The following LRRC4C variants were observed in gnomAD, a reference collection of about 807,000 sequenced individuals.
The protein encoded by LRRC4C is leucine-rich repeat-containing protein 4C.
Under a neutral mutation model 33.6 loss-of-function variants are expected in LRRC4C, and 5 were observed. The observed-to-expected ratio is 0.15, with a 90% CI of 0.08 to 0.31. The LOEUF (loss-of-function observed/expected upper bound fraction) is 0.31, where lower values mean the gene tolerates loss of function less well. Among genes scored for constraint, LRRC4C ranks in the 10% least tolerant of loss-of-function variants. The pLI is 1.00. For missense variants in LRRC4C, 560 were observed against 796.7 expected (o/e 0.70, Z 3.58); for synonymous variants, 329 against 302.0 (o/e 1.09, Z -0.93).
rs5024889 is a variant in LRRC4C at position 41,279,426 on chromosome 11, A to C, written c.-496+180005T>G. ...CACACACACACACACACACACACAC[A>C]CACCGTGGCAATCACTGCCTGCAAT... is the stretch of plus-strand genomic sequence containing the variant. On this transcript the variant is annotated intron_variant, in intron 1 of 6. Coordinates refer to ENST00000528697, the MANE Select transcript of LRRC4C (RefSeq NM_001258419.2). Among the ~76,000 whole-genome samples the C allele has an allele frequency of 0.012, 1,392 of 113,244 alleles. 67 individuals are homozygous for C. The East Asian group carries it at 0.17, about 14-fold the overall frequency. 74.3% of individuals were successfully genotyped at this position (113,244 alleles called of 152,430 possible).
At chr11:41,169,998 T>G (rs532658394) in intron 1 of LRRC4C, among the ~76,000 whole-genome samples, 1 of 152,238 alleles carries the variant, frequency 6.6e-6, no homozygotes, top group South Asian at 2.1e-4. Context: ...CCCATTTACC[T>G]TAAAGGGGTA....
intron 3 of LRRC4C, among the ~76,000 whole-genome samples, chr11:40,474,462 C>A (rs1484899328): frequency 6.6e-6 from 1 of 152,078 alleles, no homozygotes; most frequent in African/African-American, 2.4e-5. Flanking sequence ...AAACGTAAGA[C>A]CTAAAACCAT....
intron 2 of LRRC4C, among the ~76,000 whole-genome samples, chr11:40,845,630 G>A (rs766528100): frequency 5.3e-5 from 8 of 152,094 alleles, no homozygotes; most frequent in African/African-American, 1.9e-4. Flanking sequence ...AAATAGTGGT[G>A]CAATAAACAT....
At chr11:41,247,432 G>C (rs1272820284) in intron 1 of LRRC4C, among the ~76,000 whole-genome samples, 1 of 152,126 alleles carries the variant, frequency 6.6e-6, no homozygotes, top group Non-Finnish European at 1.5e-5. Context: ...CAAACACAAA[G>C]TCAACTCCAA....
intron 1 of LRRC4C, among the ~76,000 whole-genome samples, chr11:41,104,586 A>T (rs1284803997): frequency 3.3e-5 from 5 of 151,972 alleles, no homozygotes; most frequent in Non-Finnish European, 7.4e-5. Context: ...TGGAGTGAAC[A>T]TATGACCCAG....
At chr11:41,419,861 A>C (rs1591478037) in intron 1 of LRRC4C, among the ~76,000 whole-genome samples, 1 of 151,854 alleles carries the variant, frequency 6.6e-6, no homozygotes, top group African/African-American at 2.4e-5. Context: ...CAGAGCCTCC[A>C]TCCCTGCCAT....
chr11:40,611,222 A>G (rs907719670), intron 3 of LRRC4C, among the ~76,000 whole-genome samples: 5 of 151,838 alleles, frequency 3.3e-5, no homozygotes, highest in African/African-American at 9.7e-5. Flanking sequence ...ACCCATGCAT[A>G]TACAGTTAAA....
chr11:40,695,000 T>C (rs1408954548), intron 2 of LRRC4C, among the ~76,000 whole-genome samples: 1 of 152,140 alleles, frequency 6.6e-6, no homozygotes, highest in Non-Finnish European at 1.5e-5. Context: ...GTTCCTGTCA[T>C]TTTTTGCCTT....
chr11:41,115,959 C>T (rs998770258), intron 1 of LRRC4C, among the ~76,000 whole-genome samples: 3 of 152,070 alleles, frequency 2.0e-5, no homozygotes, highest in Non-Finnish European at 4.4e-5. Flanking sequence ...AAAGGTGAGT[C>T]CAGCTCCTCT....
At chr11:40,617,588 G>C (rs774587159) in intron 3 of LRRC4C, among the ~76,000 whole-genome samples, 2 of 151,604 alleles carry the variant, frequency 1.3e-5, no homozygotes, top group Non-Finnish European at 3.0e-5. Context: ...GTCCAACTTG[G>C]TTTCTGCCAT....
At chr11:40,383,032 C>T (rs536038619) in intron 3 of LRRC4C, among the ~76,000 whole-genome samples, 1 of 152,212 alleles carries the variant, frequency 6.6e-6, no homozygotes, top group Non-Finnish European at 1.5e-5. Flanking sequence ...ATTTCTCTCT[C>T]TCCATAGACC....
At chr11:40,473,311 T>G (rs1953037803) in intron 3 of LRRC4C, among the ~76,000 whole-genome samples, 1 of 152,276 alleles carries the variant, frequency 6.6e-6, no homozygotes, top group African/African-American at 2.4e-5. Flanking sequence ...CATAAATCGA[T>G]AAATGTAATC....
intron 2 of LRRC4C, among the ~76,000 whole-genome samples, chr11:40,663,183 T>C (rs1194381684): frequency 1.3e-5 from 2 of 152,120 alleles, no homozygotes; most frequent in Non-Finnish European, 2.9e-5. Flanking sequence ...CAGGTTCAAG[T>C]GCTTCTCCTC....
rs534046105 is a variant in LRRC4C, at chr11:41,282,909, C to T, written c.-496+176522G>A. Among the ~76,000 whole-genome samples the T allele has an allele frequency of 8.5e-5, 13 of 152,148 alleles. No homozygotes were observed. The East Asian group carries it at 2.1e-3, about 25-fold the overall frequency. ...AGCAATACCCAAGGAAACTGGTATT[C>T]TTTTATCAAAACAGGCTCTAAGAAA... On this transcript the variant is annotated intron_variant, in intron 1 of 6. Coordinates refer to ENST00000528697, the MANE Select transcript of LRRC4C (RefSeq NM_001258419.2).
chr11:40,334,463 T>C (rs1251566972), intron 3 of LRRC4C, among the ~76,000 whole-genome samples: 1 of 152,176 alleles, frequency 6.6e-6, no homozygotes, highest in Non-Finnish European at 1.5e-5. Context: ...TGCACAGCAG[T>C]ACACCACCAA....
intron 1 of LRRC4C, among the ~76,000 whole-genome samples, chr11:41,384,741 ATGT>A (rs1372407074): frequency 1.3e-5 from 2 of 150,726 alleles, no homozygotes; most frequent in African/African-American, 4.8e-5. Context: ...TTTATTTGGA[ATGT>A]TGTTATTTAT....
chr11:40,756,650 A>G (rs948699921), intron 2 of LRRC4C, among the ~76,000 whole-genome samples: 1 of 152,076 alleles, frequency 6.6e-6, no homozygotes, highest in Non-Finnish European at 1.5e-5. Context: ...AAATCACCTC[A>G]AAAGTTAAAC....
At chr11:40,586,187 C>A (rs1182803176) in intron 3 of LRRC4C, among the ~76,000 whole-genome samples, 1 of 151,958 alleles carries the variant, frequency 6.6e-6, no homozygotes, top group African/African-American at 2.4e-5. Context: ...GAGATGGTAT[C>A]TCATTGTGGT....
chr11:40,246,185 G>T (rs562662803), intron 4 of LRRC4C, among the ~76,000 whole-genome samples: 1 of 151,860 alleles, frequency 6.6e-6, no homozygotes, highest in East Asian at 1.9e-4. Flanking sequence ...TGTTGGCCAG[G>T]CTGGTCTTGA....
Sources: allele counts gnomAD v4.1 joint callset (sites outside exome capture counted in the v4.1 genomes callset), GRCh38; gene constraint gnomAD v4.1.1; transcripts MANE v1.5; gene names NCBI Gene and HGNC (gene_info 2026-07-23, HGNC 2026-07-21).